HRH1: variants seen among roughly 807,000 people sequenced by gnomAD.
HRH1 encodes histamine H1 receptor.
In HRH1, 6 loss-of-function variants were observed where a neutral mutation model predicts 10.3. The observed-to-expected ratio is 0.58, with a 90% confidence interval of 0.32 to 1.15. The LOEUF is 1.15. Ranked by LOEUF, HRH1 falls within the 50% of genes most tolerant of loss-of-function variation. HRH1 has a pLI of 0.05. For missense variants in HRH1, 514 were observed against 615.3 expected (o/e 0.84, Z 1.74); for synonymous variants, 242 against 236.7 (o/e 1.02, Z -0.21).
intron 1 of HRH1, among the ~76,000 whole-genome samples, chr3:11,206,772 A>G (rs901621534): frequency 3.3e-5 from 5 of 152,200 alleles, no homozygotes. Context: ...CCTCTTCTGT[A>G]GTTCCCAGGC....
At chr3:11,202,090 T>G (rs1350827532) in intron 1 of HRH1, among the ~76,000 whole-genome samples, 2 of 152,142 alleles carry the variant, frequency 1.3e-5, no homozygotes, top group African/African-American at 4.8e-5. Flanking sequence ...TTCTAATTTC[T>G]AATAAAAGGA....
At chr3:11,242,780 A>G (rs1247120277) in intron 1 of HRH1, among the ~76,000 whole-genome samples, 1 of 152,242 alleles carries the variant, frequency 6.6e-6, no homozygotes, top group Non-Finnish European at 1.5e-5. Flanking sequence ...AAGGTATGGT[A>G]CAATATTCGT....
At chr3:11,170,112 C>A (rs1295127220) in intron 1 of HRH1, among the ~76,000 whole-genome samples, 2 of 152,196 alleles carry the variant, frequency 1.3e-5, no homozygotes, top group Non-Finnish European at 2.9e-5. Context: ...CCACCACGAA[C>A]GAGCTGTGTG....
intron 1 of HRH1, among the ~76,000 whole-genome samples, chr3:11,219,903 G>C (rs568910360): frequency 1.7e-3 from 240 of 138,560 alleles, no homozygotes; most frequent in Non-Finnish European, 2.5e-3. Flanking sequence ...TTAAGGAGCT[G>C]TTTAGTTTCT....
intron 1 of HRH1, chr3:11,226,194 C>T (rs1038058243): frequency 4.0e-5 from 6 of 151,716 alleles, no homozygotes; most frequent in African/African-American, 1.5e-4. Context: ...AGCCACTGCC[C>T]GGCACCCTCC....
chr3:11,137,616 G>A (rs955767929), intron 1 of HRH1, among the ~76,000 whole-genome samples: 1 of 152,258 alleles, frequency 6.6e-6, no homozygotes, highest in Admixed American at 6.5e-5. Flanking sequence ...CATGGGCTGT[G>A]ATGGCTGATT....
chr3:11,149,496 A>G (rs1246235254), upstream of HRH1, among the ~76,000 whole-genome samples: 4 of 152,260 alleles, frequency 2.6e-5, no homozygotes, highest in Non-Finnish European at 5.9e-5. Context: ...AAAATCTGTT[A>G]GAAGGCACGA....
At chr3:11,159,620 A>G (rs1207780611) in intron 1 of HRH1, among the ~76,000 whole-genome samples, 1 of 152,218 alleles carries the variant, frequency 6.6e-6, no homozygotes, top group Non-Finnish European at 1.5e-5. Context: ...GGATTTTAAA[A>G]TCATGAGTTC....
intron 1 of HRH1, among the ~76,000 whole-genome samples, chr3:11,185,926 A>G (rs891474942): frequency 6.6e-6 from 1 of 152,022 alleles, no homozygotes; most frequent in Non-Finnish European, 1.5e-5. Flanking sequence ...AGTTCCACGT[A>G]TGAGTATGTG....
At chr3:11,227,266 G>C (rs986678651) in intron 1 of HRH1, among the ~76,000 whole-genome samples, 3 of 151,884 alleles carry the variant, frequency 2.0e-5, no homozygotes, top group Non-Finnish European at 4.4e-5. Flanking sequence ...AATGCCATTT[G>C]CCTATGGGGT....
chr3:11,190,624 C>G (rs956100932), intron 1 of HRH1, among the ~76,000 whole-genome samples: 4 of 152,054 alleles, frequency 2.6e-5, no homozygotes, highest in African/African-American at 9.7e-5. Context: ...AACTCCTGAG[C>G]TCAGACAATC....
intron 1 of HRH1, among the ~76,000 whole-genome samples, chr3:11,185,038 TAA>T (rs11360745): frequency 4.6e-4 from 61 of 133,564 alleles, no homozygotes; most frequent in Middle Eastern, 3.7e-3. Context: ...AGTACTAATT[TAA>T]AAAAAAAAAA....
intron 1 of HRH1, among the ~76,000 whole-genome samples, chr3:11,179,151 G>A (rs1325769523): frequency 1.3e-5 from 2 of 152,092 alleles, no homozygotes; most frequent in African/African-American, 4.8e-5. Context: ...AGCTGGGCGT[G>A]GTGGCGCACG....
chr3:11,174,146 C>G (rs1395739477), intron 1 of HRH1, among the ~76,000 whole-genome samples: 1 of 152,210 alleles, frequency 6.6e-6, no homozygotes, highest in Non-Finnish European at 1.5e-5. Context: ...CAGTAGAAAC[C>G]TCACAATCAA....
In HRH1 at chr3:11,259,838, TGG is replaced by T. The variant is rs1939892906; in HGVS notation, c.802_803del (p.Gly268TrpfsTer26). On this transcript the variant is annotated frameshift_variant, in exon 2 of 2. Transcript: ENST00000431010. LOFTEE classifies it low-confidence loss of function (END_TRUNC). This position sits in a 1 kb window ranked among gnomAD's most constrained non-coding sequence, Gnocchi z 4.6. ...EVLKRKPKDA[G>X]GGSVLKSPSQ... ...TTCTGAAAAGGAAGCCAAAAGATGC[TGG>T]TGGTGGATCTGTCTTGAAGTCACCA... 6.2e-7 allele frequency: 1 copy of T among 1,613,940 alleles called. No individual in the cohort carries two copies. The highest frequency in any genetic ancestry group is 8.5e-7 in the Non-Finnish European group (1 of 1,180,002).
intron 1 of HRH1, among the ~76,000 whole-genome samples, chr3:11,229,897 A>G (rs901280021): frequency 6.6e-6 from 1 of 152,228 alleles, no homozygotes; most frequent in African/African-American, 2.4e-5. Context: ...ATCAGCAAGA[A>G]TTATAATGGG....
chr3:11,241,552 G>A lies in HRH1; in HGVS notation c.-35-17451G>A, dbSNP rs371913700. On this transcript the variant is annotated intron_variant, in intron 1 of 1. Coordinates refer to ENST00000431010, the MANE Select transcript of HRH1 (RefSeq NM_001098212.2). Reference sequence around the variant, plus strand: ...ATGGGATTATAAAATGCACCACTCAGGCTGGGCACGGTGGCTCACGCCTGT... The same window carrying A: ...ATGGGATTATAAAATGCACCACTCAAGCTGGGCACGGTGGCTCACGCCTGT... Among the ~76,000 whole-genome samples, 9 of 152,130 alleles carry A rather than the reference G, an allele frequency of 5.9e-5. No homozygotes were observed. The East Asian group carries it at 1.4e-3, about 23-fold the overall frequency.
At chr3:11,228,911 CA>C (rs10710059) in intron 1 of HRH1, among the ~76,000 whole-genome samples, 61,893 of 115,336 alleles carry the variant, frequency 0.54, 14,643 homozygotes, top group South Asian at 0.69. Context: ...GAGAGTATGT[CA>C]AAAAAAAAAA....
At chr3:11,243,392 A>G (rs1939400484) in intron 1 of HRH1, among the ~76,000 whole-genome samples, 1 of 152,240 alleles carries the variant, frequency 6.6e-6, no homozygotes, top group Non-Finnish European at 1.5e-5. Context: ...GACATCCTCC[A>G]TGCCCTGGAG....
Sources: gnomAD v4.1 joint callset for allele counts (sites outside exome capture counted in the v4.1 genomes callset) on GRCh38, gnomAD v4.1.1 for gene constraint, Gnocchi (gnomAD v3.1) non-coding constraint, MANE v1.5 for transcripts, NCBI Gene and HGNC (gene_info 2026-07-23, HGNC 2026-07-21) for gene names.